Variants in BANK1 observed in about 807,000 individuals in gnomAD.
The protein encoded by BANK1 is B cell scaffold protein with ankyrin repeats 1.
BANK1 carries 95 observed loss-of-function variants against 94.5 expected under a neutral mutation model. The observed-to-expected ratio is 1.00, with a 90% confidence interval of 0.85 to 1.19. The LOEUF is 1.19. Ranked by LOEUF, BANK1 falls within the 50% of genes most tolerant of loss-of-function variation. The pLI, the probability that BANK1 is intolerant of heterozygous loss-of-function variation, is 0.00. For synonymous variants in BANK1, 334 were observed against 308.4 expected (o/e 1.08, Z -0.87); for missense variants, 987 against 932.2 (o/e 1.06, Z -0.77).
chr4:102,071,382 C>T, intron 14 of BANK1, 78 bp downstream of exon 14: 1 of 1,385,346 alleles, frequency 7.2e-7, no homozygotes, highest in East Asian at 2.3e-5. Flanking sequence ...TTAATGTAAA[C>T]CTAATGTGAT....
At position 101,862,650 on chromosome 4, in the gene BANK1, G is replaced by C. The variant is rs1198673746; in HGVS notation, c.749G>C (p.Cys250Ser). 1.9e-6 allele frequency: 3 copies of C among 1,602,856 alleles called. No individual in the cohort carries two copies. The highest frequency in any genetic ancestry group is 1.7e-6 in the Non-Finnish European group (2 of 1,175,738). Residue 250 changes from cysteine to serine, a missense_variant, in exon 4 of 17, where the codon TGC becomes TCC. Physicochemically the swap from Cys to Ser is moderately radical, Grantham distance 112. Transcript: ENST00000322953. ...RPALWNKKVW[C>S]MKALEFPAGS... ...GCCCTTTGGAATAAGAAAGTCTGGTGCATGAAAGCTTTAGGTAAGAATGTT... is the reference window on the plus strand; with the variant it reads ...GCCCTTTGGAATAAGAAAGTCTGGTCCATGAAAGCTTTAGGTAAGAATGTT...
At chr4:102,030,338 A>AG in intron 10 of BANK1, 73 bp downstream of exon 10, 2 of 1,411,314 alleles carry the variant, frequency 1.4e-6, no homozygotes, top group Non-Finnish European at 1.9e-6. Context: ...GGAGGGGATA[A>AG]GGTGATGCAA....
At chr4:101,968,176 C>T (rs191397724) in intron 7 of BANK1, among the ~76,000 whole-genome samples, 21 of 152,020 alleles carry the variant, frequency 1.4e-4, no homozygotes, top group African/African-American at 4.1e-4. Context: ...TTGAGTCTTA[C>T]GTCAAAAGAT....
chr4:102,014,955 A>G (rs1390474163), intron 7 of BANK1, among the ~76,000 whole-genome samples: 1 of 152,062 alleles, frequency 6.6e-6, no homozygotes, highest in Non-Finnish European at 1.5e-5. Flanking sequence ...TTTAGCTTCA[A>G]CCTTTGACTT....
intron 7 of BANK1, among the ~76,000 whole-genome samples, chr4:101,931,427 A>G (rs1723337242): frequency 6.6e-6 from 1 of 151,322 alleles, no homozygotes; most frequent in Non-Finnish European, 1.5e-5. Context: ...CCCTTTCTGT[A>G]TTTCCTTCTG....
chr4:101,974,430 T>TA (rs1319853371), intron 7 of BANK1, among the ~76,000 whole-genome samples: 6 of 152,168 alleles, frequency 3.9e-5, no homozygotes, highest in African/African-American at 1.4e-4. Context: ...TCCTACCTTT[T>TA]CATCAGTTTA....
intron 2 of BANK1, 32 bp from the exon 3 acceptor site, chr4:101,855,003 A>G (rs1414093718): frequency 6.5e-7 from 1 of 1,536,002 alleles, no homozygotes; most frequent in Non-Finnish European, 8.9e-7. Context: ...CTTTAGTTAT[A>G]TTATAATCTA....
rs144914614 is a variant in BANK1 at position 102,068,507 on chromosome 4, A to T, written c.2213-2768A>T. ...TGGGTTACTACAACAGATCCTACAGACATTAAAAACATACTAAGGGCCAGG... is the reference window on the plus strand; with the variant it reads ...TGGGTTACTACAACAGATCCTACAGTCATTAAAAACATACTAAGGGCCAGG... On this transcript the variant is annotated intron_variant, in intron 13 of 16. Transcript: ENST00000322953. Among the ~76,000 whole-genome samples the T allele has an allele frequency of 3.8e-3, 581 of 152,246 alleles. 4 individuals carry two copies. The highest frequency in any genetic ancestry group is 0.013 in the African/African-American group (552 of 41,558).
intron 3 of BANK1, among the ~76,000 whole-genome samples, chr4:101,855,852 G>C (rs567645407): frequency 3.3e-5 from 5 of 152,168 alleles, no homozygotes; most frequent in Admixed American, 1.3e-4. Context: ...AGTATAATGT[G>C]GGGGGATGAT....
intron 5 of BANK1, among the ~76,000 whole-genome samples, chr4:101,870,855 A>G (rs1237357492): frequency 2.6e-5 from 4 of 152,114 alleles, no homozygotes; most frequent in Non-Finnish European, 5.9e-5. Flanking sequence ...ATGTCAATGG[A>G]AAACAGCTTA....
intron 6 of BANK1, among the ~76,000 whole-genome samples, chr4:101,915,518 G>C (rs1008812317): frequency 6.6e-6 from 1 of 152,080 alleles, no homozygotes; most frequent in African/African-American, 2.4e-5. Context: ...AGAGTATCTT[G>C]TATGAAGTTT....
rs138484751 is a variant in BANK1 at position 102,049,974 on chromosome 4, C to T, written c.1969+6067C>T. 6.6e-3 allele frequency among the ~76,000 whole-genome samples: 1,008 copies of T among 152,254 alleles called. 8 individuals are homozygous for T. The highest frequency in any genetic ancestry group is 0.023 in the African/African-American group (954 of 41,554). On this transcript the variant is annotated intron_variant, in intron 11 of 16. Transcript: ENST00000322953. ...CCTCCCAAGTGCTGGCAGGGCTCTG[C>T]GTTTGCAGATAGCCCACCCCAAGGA... is the stretch of plus-strand genomic sequence containing the variant.
In BANK1 at chr4:102,030,251, C is replaced by T. The variant is rs751264196; in HGVS notation, c.1886C>T (p.Pro629Leu). The change falls in exon 10 of 17, where the codon CCT becomes CTT. Residue 629 changes from proline to leucine, a missense_variant. Pro to Leu is a moderately conservative substitution (Grantham distance 98). Coordinates refer to ENST00000322953, the MANE Select transcript of BANK1 (RefSeq NM_017935.5). ...ATACCTCCAAAAGAGGAAACTACACCTTACATAGCTCAAGGTAATTATCAT... is the reference window on the plus strand; with the variant it reads ...ATACCTCCAAAAGAGGAAACTACACTTTACATAGCTCAAGGTAATTATCAT... ...TSIPPKEETT[P>L]YIAQVFQQKT... is the part of the protein sequence containing the mutation. 4 of 1,578,742 alleles carry T rather than the reference C, an allele frequency of 2.5e-6. No individual in the cohort carries two copies. The highest frequency in any genetic ancestry group is 3.4e-6 in the Non-Finnish European group (4 of 1,170,084).
At chr4:101,994,011 T>A (rs1725795097) in intron 7 of BANK1, among the ~76,000 whole-genome samples, 1 of 152,248 alleles carries the variant, frequency 6.6e-6, no homozygotes, top group Non-Finnish European at 1.5e-5. Flanking sequence ...GTACTGCTAA[T>A]CCTTGAGTCT....
At position 101,930,285 on chromosome 4, in the gene BANK1, A is replaced by G. The variant is rs1335561826; in HGVS notation, c.1206+12096A>G. On this transcript the variant is annotated intron_variant, in intron 7 of 16. Coordinates refer to ENST00000322953, the MANE Select transcript of BANK1 (RefSeq NM_017935.5). Reference sequence around the variant, plus strand: ...GGTGTGTGTGTTTATGTGTGTATATATGAATATATATATATTCATTTACCT... The same window carrying G: ...GGTGTGTGTGTTTATGTGTGTATATGTGAATATATATATATTCATTTACCT... Among the ~76,000 whole-genome samples, 3 of 151,158 alleles carry G rather than the reference A, an allele frequency of 2.0e-5. No individual in the cohort carries two copies. In the East Asian group the frequency reaches 5.9e-4, roughly 30 times the overall value.
chr4:102,056,736 T>G (rs900272983), intron 11 of BANK1, among the ~76,000 whole-genome samples: 1 of 152,148 alleles, frequency 6.6e-6, no homozygotes, highest in Admixed American at 6.5e-5. Flanking sequence ...CCAGGTGTGG[T>G]GGCTCACACC....
intron 6 of BANK1, among the ~76,000 whole-genome samples, chr4:101,901,355 G>A (rs1176415508): frequency 6.6e-6 from 1 of 152,144 alleles, no homozygotes; most frequent in East Asian, 1.9e-4. Flanking sequence ...TGAGTAGAGA[G>A]GAAAAAGAGC....
chr4:101,829,732 T>C, intron 1 of BANK1, 76 bp from the exon 2 acceptor site: 3 of 993,292 alleles, frequency 3.0e-6, no homozygotes, highest in Non-Finnish European at 4.3e-6. Flanking sequence ...AGTGAGCATA[T>C]TAAAATTTTT....
chr4:101,875,665 A>G (rs1241694774), intron 5 of BANK1, among the ~76,000 whole-genome samples: 1 of 152,156 alleles, frequency 6.6e-6, no homozygotes, highest in Non-Finnish European at 1.5e-5. Context: ...TTGGGTGGGG[A>G]CACAGAGCTA....
Sources: allele counts gnomAD v4.1 joint callset (sites outside exome capture counted in the v4.1 genomes callset), GRCh38; gene constraint gnomAD v4.1.1; transcripts MANE v1.5; gene names NCBI Gene and HGNC (gene_info 2026-07-23, HGNC 2026-07-21).